Variants in DMRT1 observed in about 807,000 individuals in gnomAD.
DMRT1 encodes doublesex- and mab-3-related transcription factor 1.
A neutral mutation model predicts 32.3 loss-of-function variants in DMRT1; 7 were observed. The ratio of observed to expected loss-of-function variants is 0.22; its 90% CI spans 0.12 to 0.41. DMRT1 has a LOEUF of 0.41. Ranked by LOEUF, DMRT1 falls within the 10% of genes least tolerant of loss-of-function variation. The pLI is 1.00. For synonymous variants in DMRT1, 278 were observed against 206.1 expected, an observed-to-expected ratio of 1.35 and a Z score of -2.99; for missense variants, 625 against 500.5, an observed-to-expected ratio of 1.25 and a Z score of -2.37.
chr9:945,740 C>CT lies in DMRT1; in HGVS notation c.968-22230dup, dbSNP rs33925005. ...TTGCTTTTTTAAAAAAAAATACACA[C>CT]TTTTTTTTTTTTTTTGCCAGTTGTA... On this transcript the variant is annotated intron_variant, in intron 4 of 4. Transcript: ENST00000382276. Among the ~76,000 whole-genome samples the CT allele has an allele frequency of 8.5e-3, 1,134 of 134,100 alleles. 7 individuals carry two copies. Among genetic ancestry groups the CT allele is most frequent in the African/African-American group, 0.016 (581 of 35,540 alleles). The allele number at this position is 134,100 out of a possible 152,430, so 88.0% of individuals were successfully genotyped here.
intron 2 of DMRT1, among the ~76,000 whole-genome samples, chr9:872,542 T>C (rs1453771958): frequency 6.6e-6 from 1 of 152,022 alleles, no homozygotes; most frequent in Non-Finnish European, 1.5e-5. Flanking sequence ...TAGGTTTGCC[T>C]ATTCCAGACA....
chr9:947,646 CAG>C (rs1165386864), intron 4 of DMRT1, among the ~76,000 whole-genome samples: 2 of 152,004 alleles, frequency 1.3e-5, no homozygotes, highest in Non-Finnish European at 2.9e-5. Flanking sequence ...TTTTTTGAGA[CAG>C]AGTCTGACTC....
intron 2 of DMRT1, among the ~76,000 whole-genome samples, chr9:866,467 C>G (rs546804047): frequency 1.3e-5 from 2 of 152,088 alleles, no homozygotes; most frequent in East Asian, 3.9e-4. Flanking sequence ...GACTCATTTA[C>G]CCCGTTGTGG....
intron 2 of DMRT1, among the ~76,000 whole-genome samples, chr9:847,851 A>G (rs1838971466): frequency 6.6e-6 from 1 of 152,220 alleles, no homozygotes; most frequent in Non-Finnish European, 1.5e-5. Flanking sequence ...AATTCATTAC[A>G]ATGAAATAAA....
At chr9:920,584 C>T (rs1818321252) in intron 4 of DMRT1, among the ~76,000 whole-genome samples, 2 of 152,210 alleles carry the variant, frequency 1.3e-5, no homozygotes, top group Non-Finnish European at 1.5e-5. Flanking sequence ...GCAGTGAATA[C>T]AGGCAGCTCT....
chr9:859,194 T>G (rs1815543242), intron 2 of DMRT1, among the ~76,000 whole-genome samples: 1 of 152,166 alleles, frequency 6.6e-6, no homozygotes, highest in Admixed American at 6.6e-5. Context: ...AACTCCCAAA[T>G]GTTTCCTGTA....
intron 4 of DMRT1, among the ~76,000 whole-genome samples, chr9:938,634 A>C (rs1818963733): frequency 6.6e-6 from 1 of 152,076 alleles, no homozygotes; most frequent in Non-Finnish European, 1.5e-5. Flanking sequence ...TATTAGCTCT[A>C]TCAGTTTTTT....
intron 2 of DMRT1, among the ~76,000 whole-genome samples, chr9:881,838 C>T (rs1319563067): frequency 6.6e-6 from 1 of 152,208 alleles, no homozygotes; most frequent in Admixed American, 6.5e-5. Flanking sequence ...TTCCCATTGG[C>T]CTGTTTGTGG....
At chr9:894,633 G>A (rs551182359) in intron 3 of DMRT1, 3 of 281,676 alleles carry the variant, frequency 1.1e-5, no homozygotes, top group East Asian at 9.0e-5. Flanking sequence ...CTTCTGGGTG[G>A]CAGTAATCTG....
chr9:875,800 G>GTGCA (rs61004442), intron 2 of DMRT1, among the ~76,000 whole-genome samples: 95 of 152,278 alleles, frequency 6.2e-4, no homozygotes, highest in African/African-American at 2.2e-3. Context: ...GTATGTGTGT[G>GTGCA]TGCATATATA....
At chr9:862,439 G>A (rs1242853315) in intron 2 of DMRT1, among the ~76,000 whole-genome samples, 2 of 149,334 alleles carry the variant, frequency 1.3e-5, no homozygotes, top group East Asian at 2.1e-4. Context: ...GCAGTGAGCC[G>A]AGATGGCGGC....
intron 2 of DMRT1, among the ~76,000 whole-genome samples, chr9:847,567 G>A (rs962837781): frequency 1.1e-4 from 17 of 152,202 alleles, no homozygotes; most frequent in Non-Finnish European, 2.1e-4. Context: ...TTGAATGAGC[G>A]GGAAGTAACA....
At chr9:875,457 C>G (rs1448155599) in intron 2 of DMRT1, among the ~76,000 whole-genome samples, 4 of 152,166 alleles carry the variant, frequency 2.6e-5, no homozygotes. Flanking sequence ...ATTACTGTCA[C>G]ATAGTTTTTG....
chr9:961,331 C>T (rs1374768075), intron 4 of DMRT1, among the ~76,000 whole-genome samples: 2 of 152,204 alleles, frequency 1.3e-5, no homozygotes, highest in Non-Finnish European at 2.9e-5. Context: ...AGATTAGGAA[C>T]AGATGAGACC....
At position 880,790 on chromosome 9, in the gene DMRT1, A is replaced by G. The variant is rs112396259; in HGVS notation, c.539-13122A>G. Among the ~76,000 whole-genome samples the G allele has an allele frequency of 2.4e-4, 36 of 151,982 alleles. 2 individuals are homozygous for G. Among genetic ancestry groups the G allele is most frequent in the Admixed American group, 7.9e-4 (12 of 15,268 alleles). ...ATACTTGGGTAGTTTGCCATGTGCT[A>G]AGGACCAGCGGCCTTCCCCACCCTT... On this transcript the variant is annotated intron_variant, in intron 2 of 4. Coordinates refer to ENST00000382276, the MANE Select transcript of DMRT1 (RefSeq NM_021951.3).
intron 2 of DMRT1, among the ~76,000 whole-genome samples, chr9:854,011 A>T (rs1377983898): frequency 6.6e-6 from 1 of 151,510 alleles, no homozygotes; most frequent in Non-Finnish European, 1.5e-5. Flanking sequence ...TTTGTTGCCC[A>T]CGCTGGTCTT....
At chr9:863,608 C>T (rs961117363) in intron 2 of DMRT1, among the ~76,000 whole-genome samples, 4 of 152,162 alleles carry the variant, frequency 2.6e-5, no homozygotes, top group African/African-American at 9.7e-5. Context: ...AAGAAACAGT[C>T]CCTGCTAGAG....
intron 2 of DMRT1, among the ~76,000 whole-genome samples, chr9:858,653 C>G (rs888426083): frequency 1.3e-5 from 2 of 152,020 alleles, no homozygotes; most frequent in Admixed American, 6.6e-5. Context: ...GCGGGCAGAT[C>G]ATCTGAGGTC....
At chr9:943,745 T>G (rs1819153616) in intron 4 of DMRT1, among the ~76,000 whole-genome samples, 1 of 152,124 alleles carries the variant, frequency 6.6e-6, no homozygotes, top group South Asian at 2.1e-4. Context: ...GATTACAATT[T>G]ACTGATGAAG....
Sources: allele counts gnomAD v4.1 joint callset (sites outside exome capture counted in the v4.1 genomes callset), GRCh38; gene constraint gnomAD v4.1.1; transcripts MANE v1.5; gene names NCBI Gene and HGNC (gene_info 2026-07-23, HGNC 2026-07-21).